The following CRACD variants were observed in gnomAD, a reference collection of about 807,000 sequenced individuals.
The protein encoded by CRACD is capping protein inhibiting regulator of actin dynamics.
A neutral mutation model predicts 106.8 loss-of-function variants in CRACD; 56 were observed. The observed-to-expected ratio is 0.52, with a 90% CI of 0.42 to 0.66. CRACD has a LOEUF of 0.66. Among genes scored for constraint, CRACD ranks in the 30% least tolerant of loss-of-function variants. The pLI, the probability that CRACD is intolerant of heterozygous loss-of-function variation, is 0.00. For synonymous variants in CRACD, 754 were observed against 670.8 expected, an observed-to-expected ratio of 1.12 and a Z score of -1.92; for missense variants, 1,730 against 1,623.2, an observed-to-expected ratio of 1.07 and a Z score of -1.13.
At position 56,082,126 on chromosome 4, in the gene CRACD, TAG is replaced by T. The variant is rs560095977; in HGVS notation, c.-336+32831_-336+32832del. Among the ~76,000 whole-genome samples, 35 of 152,342 alleles carry T rather than the reference TAG, an allele frequency of 2.3e-4. No individual in the cohort carries two copies. In the South Asian group the frequency reaches 2.5e-3, roughly 11 times the overall value. ...TAGGGTGGTATGATAGAGTTGCCTC[TAG>T]AGACTACTTTAGATTGTAAGTCAAC... On this transcript the variant is annotated intron_variant, in intron 1 of 10. Transcript: ENST00000682029.
Position 56,305,857 on chromosome 4 carries a change from G to A in CRACD, c.121-1678G>A, listed in dbSNP as rs533364046. Among the ~76,000 whole-genome samples, 13 of 152,324 alleles carry A rather than the reference G, an allele frequency of 8.5e-5. No individual in the cohort carries two copies. The East Asian group carries it at 1.2e-3, about 14-fold the overall frequency. On this transcript the variant is annotated intron_variant, in intron 4 of 10. Coordinates refer to ENST00000682029, the MANE Select transcript of CRACD (RefSeq NM_001393381.1). ...GGCAAAGGTGGGTGGTTTTGGTACC[G>A]CTGAGTTCAAAGGGAGAGAAGACAT... is the stretch of plus-strand genomic sequence containing the variant.
chr4:56,294,913 C>CAAAAAAAAAAAAAAAAAAAAAAAAAAAA (rs56200534), intron 3 of CRACD, among the ~76,000 whole-genome samples: 10 of 72,162 alleles, frequency 1.4e-4, no homozygotes, highest in South Asian at 5.2e-4. Flanking sequence ...GACCTTGTCT[C>CAAAAAAAAAAAAAAAAAAAAAAAAAAAA]AAAAAAAAAA....
intron 1 of CRACD, among the ~76,000 whole-genome samples, chr4:56,099,166 C>CT (rs1234653437): frequency 6.6e-6 from 1 of 152,122 alleles, no homozygotes; most frequent in Non-Finnish European, 1.5e-5. Flanking sequence ...AAAACTTTGT[C>CT]TTTCAAGAGT....
chr4:56,249,290 C>T (rs1168581522), intron 2 of CRACD, among the ~76,000 whole-genome samples: 1 of 147,090 alleles, frequency 6.8e-6, no homozygotes, highest in Non-Finnish European at 1.5e-5. Flanking sequence ...GATGGTATCT[C>T]ATTGTGGTTT....
chr4:56,117,495 G>A (rs963702435), intron 1 of CRACD, among the ~76,000 whole-genome samples: 24 of 151,964 alleles, frequency 1.6e-4, no homozygotes, highest in African/African-American at 5.8e-4. Context: ...AAGGAGGTTG[G>A]GAAATGGTGA....
chr4:56,179,672 G>C (rs1372873813), intron 2 of CRACD, among the ~76,000 whole-genome samples: 3 of 152,140 alleles, frequency 2.0e-5, no homozygotes, highest in South Asian at 2.1e-4. Flanking sequence ...ATCTATAAAA[G>C]AAAGTTTCAT....
At chr4:56,135,551 C>A (rs866446226) in intron 1 of CRACD, among the ~76,000 whole-genome samples, 6 of 152,310 alleles carry the variant, frequency 3.9e-5, no homozygotes, top group Middle Eastern at 3.4e-3. Flanking sequence ...TGTTGCCTGA[C>A]CTCTTCACAT....
In CRACD at chr4:56,293,770, C is replaced by T. The variant is rs552628418; in HGVS notation, c.-16-4444C>T. ...TAGCACCAAGGGGATTATGCTGAAC[C>T]GTTCATGAGAAATCCATCCCCATGA... On this transcript the variant is annotated intron_variant, in intron 3 of 10. Coordinates refer to ENST00000682029, the MANE Select transcript of CRACD (RefSeq NM_001393381.1). 2.6e-4 allele frequency among the ~76,000 whole-genome samples: 39 copies of T among 152,316 alleles called. No homozygotes were observed. The South Asian group carries it at 6.4e-3, about 25-fold the overall frequency.
chr4:56,328,550 C>G lies in CRACD; in HGVS notation c.*746C>G, dbSNP rs1746618515. ...TTTAATGTAGTGAAGAAAGACAATT[C>G]TAGATCAGAGCTACAAGTTCACTTT... On this transcript the variant is annotated 3_prime_UTR_variant, in exon 11 of 11. Transcript: ENST00000682029. 2 of 377,338 alleles carry G rather than the reference C, an allele frequency of 5.3e-6. No homozygotes were observed. The highest frequency in any genetic ancestry group is 4.3e-5 in the South Asian group (2 of 46,780). The allele number at this position is 377,338 out of a possible 1,614,324, so 23.4% of individuals were successfully genotyped here.
Position 56,316,466 on chromosome 4 carries a change from G to A in CRACD, c.2964G>A (p.Leu988=), listed in dbSNP as rs1745661489. The A allele has an allele frequency of 4.3e-6, 7 of 1,613,918 alleles. No homozygotes were observed. The highest frequency in any genetic ancestry group is 1.3e-5 in the African/African-American group (1 of 74,934). Residue 988 remains leucine, a synonymous_variant, in exon 8 of 11, where the codon CTG becomes CTA. Coordinates refer to ENST00000682029, the MANE Select transcript of CRACD (RefSeq NM_001393381.1). ...SKLSRPYLVE[L]LSRRAGRPDP... is the part of the protein sequence containing the mutation. ...TGAGCAGGCCCTACTTGGTAGAGCTGCTGTCTCGCCGAGCGGGGAGGCCGG... is the reference window on the plus strand; with the variant it reads ...TGAGCAGGCCCTACTTGGTAGAGCTACTGTCTCGCCGAGCGGGGAGGCCGG...
intron 2 of CRACD, among the ~76,000 whole-genome samples, chr4:56,217,592 G>A (rs1738777407): frequency 6.6e-6 from 1 of 152,178 alleles, no homozygotes; most frequent in Non-Finnish European, 1.5e-5. Flanking sequence ...TGCAGATGGA[G>A]CCTCCAGATA....
At chr4:56,142,998 A>G (rs2109880030) in intron 1 of CRACD, among the ~76,000 whole-genome samples, 1 of 151,394 alleles carries the variant, frequency 6.6e-6, no homozygotes, top group South Asian at 2.1e-4. Context: ...TTTCTCTTTC[A>G]AATTTTTTTT....
At chr4:56,197,225 A>G (rs1257443330) in intron 2 of CRACD, among the ~76,000 whole-genome samples, 4 of 152,032 alleles carry the variant, frequency 2.6e-5, no homozygotes, top group Non-Finnish European at 5.9e-5. Flanking sequence ...CTTACAGGGA[A>G]ACTGTCGATG....
chr4:56,245,207 A>G (rs887223811), intron 2 of CRACD, among the ~76,000 whole-genome samples: 4 of 152,140 alleles, frequency 2.6e-5, no homozygotes, highest in Admixed American at 6.5e-5. Flanking sequence ...TTATCTTAGT[A>G]TTTTCTATGA....
intron 1 of CRACD, among the ~76,000 whole-genome samples, chr4:56,154,501 C>T (rs562943742): frequency 5.2e-4 from 66 of 127,152 alleles, no homozygotes; most frequent in African/African-American, 2.1e-3. Context: ...GTAAGAGAAT[C>T]AAATAATTTT....
chr4:56,104,694 G>A (rs1183312577), intron 1 of CRACD, among the ~76,000 whole-genome samples: 1 of 152,142 alleles, frequency 6.6e-6, no homozygotes, highest in African/African-American at 2.4e-5. Flanking sequence ...TAGGCCGGGC[G>A]CCGTGGCTCA....
intron 8 of CRACD, among the ~76,000 whole-genome samples, chr4:56,320,418 C>T (rs1430010380): frequency 6.6e-6 from 1 of 152,142 alleles, no homozygotes; most frequent in Non-Finnish European, 1.5e-5. Flanking sequence ...GAATTTTGAA[C>T]TCCTCAAATA....
chr4:56,240,992 C>G (rs1042676891), intron 2 of CRACD, among the ~76,000 whole-genome samples: 1 of 152,198 alleles, frequency 6.6e-6, no homozygotes, highest in African/African-American at 2.4e-5. Flanking sequence ...GCCTGCATTA[C>G]AGTGGCTGCA....
chr4:56,052,439 G>C (rs1731909134), intron 1 of CRACD, among the ~76,000 whole-genome samples: 1 of 152,202 alleles, frequency 6.6e-6, no homozygotes, highest in Non-Finnish European at 1.5e-5. Context: ...ATCAGGTTAA[G>C]TGCATTTAAG....
Sources: gnomAD v4.1 joint callset for allele counts (sites outside exome capture counted in the v4.1 genomes callset) on GRCh38, gnomAD v4.1.1 for gene constraint, MANE v1.5 for transcripts, NCBI Gene and HGNC (gene_info 2026-07-23, HGNC 2026-07-21) for gene names.